The following BDP1 variants were observed in gnomAD, a reference collection of about 807,000 sequenced individuals.
BDP1 encodes the protein transcription factor TFIIIB component B'' homolog.
BDP1 carries 169 observed loss-of-function variants against 266.6 expected under a neutral mutation model. That is an observed-to-expected ratio of 0.63 (90% confidence interval 0.56 to 0.72). BDP1 has a LOEUF of 0.72. BDP1 is among the 30% of genes least tolerant of loss of function. The probability of loss-of-function intolerance (pLI) is 0.00; values close to 1 mark genes in which losing one functional copy is unlikely to be tolerated. For synonymous variants in BDP1, 1,090 were observed against 1,022.4 expected (o/e 1.07, Z -1.26); for missense variants, 3,015 against 3,053.8 (o/e 0.99, Z 0.30).
rs1580238075 is a variant in BDP1, at chr5:71,564,973, T to C, written c.*88T>C. The C allele has an allele frequency of 8.2e-7, 1 of 1,212,418 alleles. No individual in the cohort carries two copies. Among genetic ancestry groups the C allele is most frequent in the South Asian group, 1.6e-5 (1 of 62,134 alleles). The allele number at this position is 1,212,418 out of a possible 1,614,324, so 75.1% of individuals were successfully genotyped here. A position where few individuals can be genotyped will look rare whatever the true frequency, so the allele number is the denominator to read the frequency against. ...ACAAAACAGTATTTAGAGCAAAATATCACTGTCTTATTTTTCTTTAGGTTG... is the reference window on the plus strand; with the variant it reads ...ACAAAACAGTATTTAGAGCAAAATACCACTGTCTTATTTTTCTTTAGGTTG... On this transcript the variant is annotated 3_prime_UTR_variant, in exon 39 of 39. Transcript: ENST00000358731.
intron 15 of BDP1, 106 bp from the exon 16 acceptor site, chr5:71,504,515 A>G (rs1764456951): frequency 8.1e-6 from 8 of 988,068 alleles, no homozygotes; most frequent in Middle Eastern, 3.0e-4. Context: ...CCATTTTATA[A>G]TGTTGAATTT....
chr5:71,491,163 C>T, intron 11 of BDP1, 32 bp downstream of exon 11: 1 of 1,598,186 alleles, frequency 6.3e-7, no homozygotes, highest in Non-Finnish European at 8.6e-7. Context: ...GTTTTATCCA[C>T]ATCTGTTGAT....
chr5:71,470,746 C>G (rs956950235), intron 7 of BDP1, among the ~76,000 whole-genome samples: 3 of 151,984 alleles, frequency 2.0e-5, no homozygotes, highest in African/African-American at 7.3e-5. Context: ...TGCCACCACG[C>G]CCGGCTGATT....
At chr5:71,506,757 T>TA (rs1459929012) in intron 16 of BDP1, among the ~76,000 whole-genome samples, 5 of 94,938 alleles carry the variant, frequency 5.3e-5, no homozygotes, top group South Asian at 4.3e-4. Flanking sequence ...TGTTTGGAGG[T>TA]TTATATATAT....
At chr5:71,556,161 A>C (rs1008631924) in intron 35 of BDP1, among the ~76,000 whole-genome samples, 3 of 151,984 alleles carry the variant, frequency 2.0e-5, no homozygotes, top group South Asian at 4.1e-4. Context: ...GAGCTTACTG[A>C]GTTCCCTCAT....
At chr5:71,513,468 G>A in intron 19 of BDP1, 61 bp downstream of exon 19, 1 of 1,009,148 alleles carries the variant, frequency 9.9e-7, no homozygotes, top group South Asian at 1.7e-5. Context: ...AAGTTATTAG[G>A]ACTACTAAAA....
At position 71,548,709 on chromosome 5, in the gene BDP1, C is replaced by T; in HGVS notation, c.6772C>T (p.Gln2258Ter). ...TACACCAACAAGTATTCCAGAAGTCCAACAAGAGAATATAATCAATCCTCA... is the reference window on the plus strand; with the variant it reads ...TACACCAACAAGTATTCCAGAAGTCTAACAAGAGAATATAATCAATCCTCA... ...EYTPTSIPEV[Q>*]QENIINPQDL... Residue 2258 changes from glutamine to a stop codon, truncating the protein, a stop_gained, in exon 33 of 39, where the codon CAA becomes TAA. Transcript: ENST00000358731. LOFTEE classifies it high-confidence loss of function. 1 of 1,608,180 alleles carries T rather than the reference C, an allele frequency of 6.2e-7. No homozygotes were observed. Among genetic ancestry groups the T allele is most frequent in the Non-Finnish European group, 8.5e-7 (1 of 1,175,184 alleles).
Position 71,509,942 on chromosome 5 carries a change from A to T in BDP1, c.2850A>T (p.Leu950=). Reference sequence around the variant, plus strand: ...ATGGCCCAGAGGAGGTTAAGCCTCTAGGTGAAGTGGAGACAGATTTGAAAG... The same window carrying T: ...ATGGCCCAGAGGAGGTTAAGCCTCTTGGTGAAGTGGAGACAGATTTGAAAG... ...QKNGPEEVKP[L]GEVETDLKAT... Residue 950 remains leucine (L), a synonymous_variant, in exon 17 of 39, where the codon CTA becomes CTT. Coordinates refer to ENST00000358731, the MANE Select transcript of BDP1 (RefSeq NM_018429.3). The T allele has an allele frequency of 6.2e-7, 1 of 1,614,018 alleles. No individual in the cohort carries two copies. The highest frequency in any genetic ancestry group is 1.1e-5 in the South Asian group (1 of 91,070).
chr5:71,539,513 C>A (rs1347820211), intron 27 of BDP1, 44 bp from the exon 28 acceptor site: 15 of 1,475,890 alleles, frequency 1.0e-5, no homozygotes, highest in Admixed American at 1.7e-5. Flanking sequence ...GAACAGATTT[C>A]CGGATTCATT....
chr5:71,467,700 C>T (rs1454370656), intron 6 of BDP1, among the ~76,000 whole-genome samples: 2 of 152,112 alleles, frequency 1.3e-5, no homozygotes, highest in African/African-American at 2.4e-5. Flanking sequence ...TTTATAGCAA[C>T]TGGGTCTCAG....
chr5:71,522,549 A>T, intron 23 of BDP1, 59 bp downstream of exon 23: 1 of 1,413,470 alleles, frequency 7.1e-7, no homozygotes. Context: ...TGTTTTGTCA[A>T]GATCATGAAG....
chr5:71,564,977 T>A lies in BDP1; in HGVS notation c.*92T>A. On this transcript the variant is annotated 3_prime_UTR_variant, in exon 39 of 39. Transcript: ENST00000358731. Reference sequence around the variant, plus strand: ...AACAGTATTTAGAGCAAAATATCACTGTCTTATTTTTCTTTAGGTTGATTT... The same window carrying A: ...AACAGTATTTAGAGCAAAATATCACAGTCTTATTTTTCTTTAGGTTGATTT... 8.5e-7 allele frequency: 1 copy of A among 1,177,454 alleles called. No individual in the cohort carries two copies. Among genetic ancestry groups the A allele is most frequent in the Non-Finnish European group, 1.2e-6 (1 of 842,988 alleles). 72.9% of individuals were successfully genotyped at this position (1,177,454 alleles called of 1,614,324 possible). A position where few individuals can be genotyped will look rare whatever the true frequency, so the allele number is the denominator to read the frequency against.
chr5:71,521,698 C>T (rs1765504984), intron 22 of BDP1, among the ~76,000 whole-genome samples: 1 of 152,180 alleles, frequency 6.6e-6, no homozygotes, highest in Non-Finnish European at 1.5e-5. Flanking sequence ...TCTGGCTACT[C>T]TCTTGAATGC....
chr5:71,515,200 G>A, intron 20 of BDP1, 78 bp downstream of exon 20: 1 of 1,094,304 alleles, frequency 9.1e-7, no homozygotes, highest in South Asian at 1.8e-5. Flanking sequence ...ATTGAGATAT[G>A]TTAATGCATT....
At chr5:71,558,497 G>A (rs956983465) in intron 36 of BDP1, among the ~76,000 whole-genome samples, 3 of 151,946 alleles carry the variant, frequency 2.0e-5, no homozygotes, top group African/African-American at 7.3e-5. Context: ...ACGCCAGCCT[G>A]GGTGACAGAG....
intron 6 of BDP1, among the ~76,000 whole-genome samples, chr5:71,469,882 C>T (rs1762135936): frequency 7.1e-6 from 1 of 141,834 alleles, no homozygotes; most frequent in African/African-American, 2.6e-5. Flanking sequence ...ACTTTTGTTG[C>T]CCAGGTTGGA....
intron 1 of BDP1, among the ~76,000 whole-genome samples, 193 bp from the exon 2 acceptor site, chr5:71,458,386 T>G (rs1761327845): frequency 6.6e-6 from 1 of 152,112 alleles, no homozygotes; most frequent in South Asian, 2.1e-4. Flanking sequence ...TCTATTAGAA[T>G]TTACGTATAT....
intron 7 of BDP1, among the ~76,000 whole-genome samples, chr5:71,481,155 CAG>C (rs1439014314): frequency 2.0e-5 from 3 of 149,886 alleles, no homozygotes; most frequent in Admixed American, 6.6e-5. Context: ...GCCTGTGAGA[CAG>C]AGCAAGATTC....
In BDP1 at chr5:71,455,684, G is replaced by GT. The variant is rs1417416912; in HGVS notation, c.-193dup. ...AATTTAGCCATCGGTGTGTGGCAGG[G>GT]TCATGAAAAAGCGGCGGCGGCGGGA... On this transcript the variant is annotated 5_prime_UTR_variant, in exon 1 of 39. Transcript: ENST00000358731. 1 of 605,084 alleles carries GT rather than the reference G, an allele frequency of 1.7e-6. No individual in the cohort carries two copies. Among genetic ancestry groups the GT allele is most frequent in the Non-Finnish European group, 2.9e-6 (1 of 340,932 alleles). 37.5% of individuals were successfully genotyped at this position (605,084 alleles called of 1,614,324 possible).
Sources: gnomAD v4.1 joint callset for allele counts (sites outside exome capture counted in the v4.1 genomes callset) on GRCh38, gnomAD v4.1.1 for gene constraint, MANE v1.5 for transcripts, NCBI Gene and HGNC (gene_info 2026-07-23, HGNC 2026-07-21) for gene names.